Variants in TNS2 observed in about 807,000 individuals in gnomAD.
TNS2 encodes the protein tensin-2.
TNS2 carries 77 observed loss-of-function variants against 155.7 expected under a neutral mutation model. The ratio of observed to expected loss-of-function variants is 0.49; its 90% CI spans 0.41 to 0.60. TNS2 has a LOEUF of 0.60. Among genes scored for constraint, TNS2 ranks in the 20% least tolerant of loss-of-function variants. TNS2 has a pLI of 0.00. For synonymous variants in TNS2, 726 were observed against 763.9 expected, an observed-to-expected ratio of 0.95 and a Z score of 0.82; for missense variants, 1,703 against 1,868.8, an observed-to-expected ratio of 0.91 and a Z score of 1.64.
chr12:53,059,208 C>A lies in TNS2; in HGVS notation c.1567C>A (p.Pro523Thr). 2 of 1,583,776 alleles carry A rather than the reference C, an allele frequency of 1.3e-6. No homozygotes were observed. The highest frequency in any genetic ancestry group is 1.7e-4 in the Middle Eastern group (1 of 5,938). ...CCATTCCTCCACGCTGACCACAGAG[C>A]CGGCTGCTGAGTCCCCTGGCCGGCC... ...SGHSSTLTTE[P>T]AAESPGRPPP... The change falls in exon 18 of 29, where the codon CCG becomes ACG. Residue 523 changes from proline to threonine, a missense_variant. Transcript: ENST00000314250. This position sits in a 1 kb window ranked among gnomAD's most constrained non-coding sequence, Gnocchi z 4.7.
Position 53,055,828 on chromosome 12 carries a change from C to T in TNS2, c.744C>T (p.Tyr248=). Residue 248 remains tyrosine (Y), a synonymous_variant, in exon 10 of 29, where the codon TAC becomes TAT. Transcript: ENST00000314250. ...TCATCGTTTCTGCCTACATGCACTA[C>T]AGCAAGATCTCTGCAGGGTGAGGCT... ...LGVIVSAYMH[Y]SKISAGADQA... is the part of the protein sequence containing the mutation. 2 of 1,613,506 alleles carry T rather than the reference C, an allele frequency of 1.2e-6. No homozygotes were observed. The highest frequency in any genetic ancestry group is 8.5e-7 in the Non-Finnish European group (1 of 1,179,776).
Position 53,059,447 on chromosome 12 carries a change from C to A in TNS2, c.1806C>A (p.Cys602Ter). ...CSCRQGYREP[C>*]GVPNGGYYRP... ...GCCGCCAGGGCTACCGGGAGCCCTGCGGGGTTCCCAATGGGGGCTACTACC... is the reference window on the plus strand; with the variant it reads ...GCCGCCAGGGCTACCGGGAGCCCTGAGGGGTTCCCAATGGGGGCTACTACC... The change falls in exon 18 of 29, where the codon TGC becomes TGA. Residue 602 changes from cysteine (C) to a stop codon, truncating the protein, a stop_gained. Transcript: ENST00000314250. LOFTEE classifies it high-confidence loss of function. This position sits in a 1 kb window ranked among gnomAD's most constrained non-coding sequence, Gnocchi z 4.7. 6.6e-7 allele frequency: 1 copy of A among 1,504,836 alleles called. No individual in the cohort carries two copies. Among genetic ancestry groups the A allele is most frequent in the Non-Finnish European group, 8.8e-7 (1 of 1,131,356 alleles). 93.2% of individuals were successfully genotyped at this position (1,504,836 alleles called of 1,614,324 possible). A position where few individuals can be genotyped will look rare whatever the true frequency, so the allele number is the denominator to read the frequency against.
At chr12:53,054,684 CT>C (rs1297986297) in intron 7 of TNS2, among the ~76,000 whole-genome samples, 1 of 151,396 alleles carries the variant, frequency 6.6e-6, no homozygotes. Context: ...ATTTATTTAC[CT>C]TTTTTTTGAG....
rs1297545716 is a variant in TNS2, at chr12:53,057,018, A to G, written c.767A>G (p.Asp256Gly). 6.2e-6 allele frequency: 10 copies of G among 1,613,256 alleles called. No homozygotes were observed. The highest frequency in any genetic ancestry group is 8.5e-6 in the Non-Finnish European group (10 of 1,179,814). The change falls in exon 11 of 29, where the codon GAC becomes GGC. Residue 256 changes from aspartate (D) to glycine (G), a missense_variant. Coordinates refer to ENST00000314250, the MANE Select transcript of TNS2 (RefSeq NM_170754.4). ...ACTGGCCTTGCTATCCCCAGGGCGG[A>G]CCAGGCACTGGCCACTCTTACCATG... Reference protein sequence around the residue: ...MHYSKISAGADQALATLTMRK... With the variant: ...MHYSKISAGAGQALATLTMRK...
intron 24 of TNS2, 58 bp from the exon 25 acceptor site, chr12:53,062,562 T>TC: frequency 6.2e-7 from 1 of 1,609,930 alleles, no homozygotes; most frequent in Non-Finnish European, 8.5e-7. Context: ...GAGGGAGTGC[T>TC]CCAGCCTGGG....
rs763597192 is a variant in TNS2, at chr12:53,063,458, T to C, written c.4061+41T>C. 6.2e-7 allele frequency: 1 copy of C among 1,612,640 alleles called. No individual in the cohort carries two copies. Among genetic ancestry groups the C allele is most frequent in the South Asian group, 1.1e-5 (1 of 91,028 alleles). On this transcript the variant is annotated intron_variant, in intron 27 of 28. Coordinates refer to ENST00000314250, the MANE Select transcript of TNS2 (RefSeq NM_170754.4). This position sits in a 1 kb window ranked among gnomAD's most constrained non-coding sequence, Gnocchi z 5.6. ...AACCCTTTGCCCCAAATCCCCATGG[T>C]CCCACCAGGTCCCAGCTCCCAGCCC...
intron 22 of TNS2, 99 bp downstream of exon 22, chr12:53,062,039 G>A (rs1027656964): frequency 2.7e-5 from 44 of 1,610,418 alleles, no homozygotes; most frequent in South Asian, 2.5e-4. Flanking sequence ...TGGCCATGCC[G>A]CTGTAGAGGG....
chr12:53,054,086 G>A (rs1475549695), intron 6 of TNS2, 72 bp downstream of exon 6: 75 of 1,605,376 alleles, frequency 4.7e-5, no homozygotes, highest in Non-Finnish European at 6.0e-5. Flanking sequence ...CCAGGGCACT[G>A]CCCCGCAACA....
In TNS2 at chr12:53,053,203, C is replaced by A. The variant is rs1345644779; in HGVS notation, c.223-208C>A. 5.0e-6 allele frequency: 3 copies of A among 602,664 alleles called. No homozygotes were observed. In the Admixed American group the frequency reaches 7.5e-5, roughly 15 times the overall value. The allele number at this position is 602,664 out of a possible 1,614,324, so 37.3% of individuals were successfully genotyped here. A position where few individuals can be genotyped will look rare whatever the true frequency, so the allele number is the denominator to read the frequency against. Reference sequence around the variant, plus strand: ...GGGTCTGTGTGGGCTGGGGGCTGAGCGCCAAGAGCAACAAGTGGGGGGCCT... The same window carrying A: ...GGGTCTGTGTGGGCTGGGGGCTGAGAGCCAAGAGCAACAAGTGGGGGGCCT... On this transcript the variant is annotated intron_variant, in intron 3 of 28. Transcript: ENST00000314250.
In TNS2 at chr12:53,050,877, A is replaced by C. The variant is rs1263719505; in HGVS notation, c.75+617A>C. Among the ~76,000 whole-genome samples the C allele has an allele frequency of 6.6e-6, 1 of 152,214 alleles. No individual in the cohort carries two copies. The highest frequency in any genetic ancestry group is 1.5e-5 in the Non-Finnish European group (1 of 68,030). Reference sequence around the variant, plus strand: ...TTCCCAGCCTTGCCCCAAAAGCAGCAGCTCAGGACAACCTGAGATACTACT... The same window carrying C: ...TTCCCAGCCTTGCCCCAAAAGCAGCCGCTCAGGACAACCTGAGATACTACT... On this transcript the variant is annotated intron_variant, in intron 1 of 28. Coordinates refer to ENST00000314250, the MANE Select transcript of TNS2 (RefSeq NM_170754.4). This position sits in a 1 kb window ranked among gnomAD's most constrained non-coding sequence, Gnocchi z 4.7.
rs1169054142 is a variant in TNS2 at position 53,059,553 on chromosome 12, A to G, written c.1912A>G (p.Met638Val). Residue 638 changes from methionine (M) to valine (V), a missense_variant, in exon 18 of 29, where the codon ATG becomes GTG. Physicochemically the swap from Met to Val is conservative, Grantham distance 21. Transcript: ENST00000314250. The surrounding 1 kb of genome is among the most constrained non-coding windows in gnomAD (Gnocchi z 4.7). ...CCCCCAGGGCTACGCCGAGGCCTCGATGGAGAAGAGGCGCCTCTGCCGATC... is the reference window on the plus strand; with the variant it reads ...CCCCCAGGGCTACGCCGAGGCCTCGGTGGAGAAGAGGCGCCTCTGCCGATC... Reference protein sequence around the residue: ...GSPQGYAEASMEKRRLCRSLS... With the variant: ...GSPQGYAEASVEKRRLCRSLS... 1.9e-6 allele frequency: 3 copies of G among 1,595,116 alleles called. No individual in the cohort carries two copies. Among genetic ancestry groups the G allele is most frequent in the Non-Finnish European group, 2.6e-6 (3 of 1,171,646 alleles).
Position 53,061,958 on chromosome 12 carries a change from C to T in TNS2, c.3574+18C>T. Reference sequence around the variant, plus strand: ...CTGGAAAGGTACAGAACACCCAAACCTGAGTGGGGTGGGGATGAAGTTGGG... The same window carrying T: ...CTGGAAAGGTACAGAACACCCAAACTTGAGTGGGGTGGGGATGAAGTTGGG... On this transcript the variant is annotated intron_variant, in intron 22 of 28. Coordinates refer to ENST00000314250, the MANE Select transcript of TNS2 (RefSeq NM_170754.4). 6.2e-7 allele frequency: 1 copy of T among 1,609,772 alleles called. No individual in the cohort carries two copies. The highest frequency in any genetic ancestry group is 8.5e-7 in the Non-Finnish European group (1 of 1,177,718).
Position 53,062,077 on chromosome 12 carries a change from C to G in TNS2, c.3575-76C>G, listed in dbSNP as rs913034017. 4 of 1,610,470 alleles carry G rather than the reference C, an allele frequency of 2.5e-6. No individual in the cohort carries two copies. The African/African-American group carries it at 5.3e-5, about 22-fold the overall frequency. ...GAGGTAGGAAAAGACCTCAGCTGCT[C>G]GGGAAAGAATCCCATTAGGGAAGAA... On this transcript the variant is annotated intron_variant, in intron 22 of 28. Coordinates refer to ENST00000314250, the MANE Select transcript of TNS2 (RefSeq NM_170754.4).
chr12:53,060,046 A>G lies in TNS2; in HGVS notation c.2405A>G (p.Tyr802Cys). ...GGAVPSYCPA[Y>C]GRVPHSCGSP... The stretch of plus-strand genomic sequence containing the variant: ...GCAGTTCCCAGTTACTGCCCAGCAT[A>G]TGGCCGTGTGCCTCATAGCTGTGGC... The change falls in exon 18 of 29, where the codon TAT becomes TGT. Residue 802 changes from tyrosine (Y) to cysteine (C), a missense_variant. Tyr to Cys is a radical substitution (Grantham distance 194). Coordinates refer to ENST00000314250, the MANE Select transcript of TNS2 (RefSeq NM_170754.4). The surrounding 1 kb of genome is among the most constrained non-coding windows in gnomAD (Gnocchi z 6.1). 6.2e-7 allele frequency: 1 copy of G among 1,613,498 alleles called. No homozygotes were observed. The highest frequency in any genetic ancestry group is 8.5e-7 in the Non-Finnish European group (1 of 1,179,912).
At chr12:53,049,114 C>T, upstream of TNS2, 2 of 1,504,888 alleles carry the variant, frequency 1.3e-6, no homozygotes, top group African/African-American at 1.4e-5. Context: ...GGGAAGTTGG[C>T]CATGTTCCCA....
chr12:53,053,208 A>G (rs1214697093), intron 3 of TNS2: 1 of 594,544 alleles, frequency 1.7e-6, no homozygotes, highest in Non-Finnish European at 3.0e-6. Flanking sequence ...CTGAGCGCCA[A>G]GAGCAACAAG....
Position 53,060,710 on chromosome 12 carries a change from C to T in TNS2, c.2804C>T (p.Ala935Val), listed in dbSNP as rs749987402. 3.1e-6 allele frequency: 5 copies of T among 1,592,106 alleles called. No individual in the cohort carries two copies. Among genetic ancestry groups the T allele is most frequent in the Non-Finnish European group, 3.4e-6 (4 of 1,166,210 alleles). ...CAGGACACCAGGTCCCCCACCTCAGCGCCCACTCAGAGACTGAGTCCTGGC... is the reference window on the plus strand; with the variant it reads ...CAGGACACCAGGTCCCCCACCTCAGTGCCCACTCAGAGACTGAGTCCTGGC... ...RRQDTRSPTS[A>V]PTQRLSPGEA... Residue 935 changes from alanine (A) to valine (V), a missense_variant, in exon 20 of 29, where the codon GCG (alanine) becomes GTG (valine). Ala to Val is a moderately conservative substitution (Grantham distance 64). Coordinates refer to ENST00000314250, the MANE Select transcript of TNS2 (RefSeq NM_170754.4). The surrounding 1 kb of genome is among the most constrained non-coding windows in gnomAD (Gnocchi z 6.1).
chr12:53,063,113 C>T lies in TNS2; in HGVS notation c.3848C>T (p.Ser1283Leu). Residue 1283 changes from serine to leucine, a missense_variant, in exon 26 of 29, where the codon TCA becomes TTA. Transcript: ENST00000314250. This position sits in a 1 kb window ranked among gnomAD's most constrained non-coding sequence, Gnocchi z 5.6. ...GCCTGCAGCGTGCTCTACTTGACCT[C>T]AGTGGAGACAGAGTCACTGACGGGC... ...GAACSVLYLT[S>L]VETESLTGPQ... 1 of 1,576,712 alleles carries T rather than the reference C, an allele frequency of 6.3e-7. No homozygotes were observed.
chr12:53,058,131 T>A, intron 14 of TNS2, 29 bp downstream of exon 14: 1 of 1,613,998 alleles, frequency 6.2e-7, no homozygotes, highest in East Asian at 2.2e-5. Context: ...ACAAGAAGAA[T>A]CCTGGAGATG....
Sources: allele counts gnomAD v4.1 joint callset (sites outside exome capture counted in the v4.1 genomes callset), GRCh38; gene constraint gnomAD v4.1.1; non-coding constraint Gnocchi (gnomAD v3.1); transcripts MANE v1.5; gene names NCBI Gene and HGNC (gene_info 2026-07-23, HGNC 2026-07-21).